EFNA5: variants seen among roughly 807,000 people sequenced by gnomAD.
The protein encoded by EFNA5 is ephrin A5, also known as ephrin-A5.
EFNA5 carries 5 observed loss-of-function variants against 22.9 expected under a neutral mutation model. That is an observed-to-expected ratio of 0.22 (90% CI 0.11 to 0.46). The LOEUF is 0.46. Ranked by LOEUF, EFNA5 falls within the 20% of genes least tolerant of loss-of-function variation. The pLI is 0.99. For missense variants in EFNA5, 237 were observed against 293.3 expected, an observed-to-expected ratio of 0.81 and a Z score of 1.40; for synonymous variants, 113 against 112.2, an observed-to-expected ratio of 1.01 and a Z score of -0.04.
chr5:107,549,366 A>G (rs1748236060), intron 1 of EFNA5, among the ~76,000 whole-genome samples: 1 of 152,200 alleles, frequency 6.6e-6, no homozygotes, highest in Non-Finnish European at 1.5e-5. Context: ...ATTTCATTTG[A>G]TCCCCACAAA....
At chr5:107,517,239 A>G (rs1747499837) in intron 1 of EFNA5, among the ~76,000 whole-genome samples, 1 of 152,162 alleles carries the variant, frequency 6.6e-6, no homozygotes, top group Non-Finnish European at 1.5e-5. Flanking sequence ...AAACTAGAAG[A>G]CAATGATGCT....
chr5:107,394,510 T>C (rs1003869429), intron 2 of EFNA5, among the ~76,000 whole-genome samples: 1 of 152,166 alleles, frequency 6.6e-6, no homozygotes, highest in Non-Finnish European at 1.5e-5. Flanking sequence ...AACTTGGTTT[T>C]AACACCAGGG....
chr5:107,496,768 G>A (rs1746996710), intron 1 of EFNA5, among the ~76,000 whole-genome samples: 1 of 152,176 alleles, frequency 6.6e-6, no homozygotes, highest in South Asian at 2.1e-4. Flanking sequence ...GAGAAGAAAC[G>A]TGGGTCAGCA....
intron 1 of EFNA5, among the ~76,000 whole-genome samples, chr5:107,492,971 C>T (rs1416817704): frequency 1.3e-5 from 2 of 149,368 alleles, no homozygotes; most frequent in Non-Finnish European, 3.0e-5. Flanking sequence ...GCACTCCAGC[C>T]TGGGGACAGA....
intron 2 of EFNA5, among the ~76,000 whole-genome samples, chr5:107,407,621 T>A (rs754795297): frequency 3.9e-5 from 6 of 152,168 alleles, no homozygotes; most frequent in Non-Finnish European, 7.4e-5. Flanking sequence ...TCCTCTTAAA[T>A]ACTAAGAACC....
At chr5:107,555,209 C>T (rs988370419) in intron 1 of EFNA5, among the ~76,000 whole-genome samples, 2 of 152,340 alleles carry the variant, frequency 1.3e-5, no homozygotes, top group African/African-American at 4.8e-5. Context: ...GACTGGAATC[C>T]TCAAATCAGA....
intron 1 of EFNA5, among the ~76,000 whole-genome samples, chr5:107,596,138 T>C (rs1749468799): frequency 6.6e-6 from 1 of 152,218 alleles, no homozygotes; most frequent in Non-Finnish European, 1.5e-5. Flanking sequence ...TTATTTTTTA[T>C]TATGGCAAAA....
intron 1 of EFNA5, among the ~76,000 whole-genome samples, chr5:107,573,045 C>A (rs1580537326): frequency 6.6e-6 from 1 of 152,172 alleles, no homozygotes; most frequent in African/African-American, 2.4e-5. Context: ...AAAAAGAAAC[C>A]TGTTTGTAAA....
intron 1 of EFNA5, among the ~76,000 whole-genome samples, chr5:107,633,313 G>A (rs1055052364): frequency 6.6e-6 from 1 of 152,196 alleles, no homozygotes; most frequent in African/African-American, 2.4e-5. Flanking sequence ...CATGCAATTA[G>A]GCTGTAAAAA....
rs182482974 is a variant in EFNA5 at position 107,585,245 on chromosome 5, T to C, written c.125+85244A>G. ...TTCACTTATCATAAGAGTTACTGGATGGAAATTCTAAGTTAACTTCTAGAA... is the reference window on the plus strand; with the variant it reads ...TTCACTTATCATAAGAGTTACTGGACGGAAATTCTAAGTTAACTTCTAGAA... On this transcript the variant is annotated intron_variant, in intron 1 of 4. Coordinates refer to ENST00000333274, the MANE Select transcript of EFNA5 (RefSeq NM_001962.3). 1.5e-3 allele frequency among the ~76,000 whole-genome samples: 231 copies of C among 152,294 alleles called. 1 individual carries two copies. Among genetic ancestry groups the C allele is most frequent in the Non-Finnish European group, 2.7e-3 (181 of 68,014 alleles).
At chr5:107,623,747 A>G (rs983394409) in intron 1 of EFNA5, among the ~76,000 whole-genome samples, 2 of 152,046 alleles carry the variant, frequency 1.3e-5, no homozygotes, top group Non-Finnish European at 2.9e-5. Context: ...AATACTATAA[A>G]TCACAAAGGC....
chr5:107,391,636 C>T (rs1057094130), intron 2 of EFNA5, among the ~76,000 whole-genome samples: 3 of 152,124 alleles, frequency 2.0e-5, no homozygotes, highest in African/African-American at 7.2e-5. Context: ...AAATTCACAC[C>T]CATTTACTCA....
rs111746775 is a variant in EFNA5 at position 107,380,541 on chromosome 5, C to A, written c.*714G>T. ...CCTGTAGTTTTCTCTGTTTTCACACCTGCTCTGTATTAGCATTCCACACCC... is the reference window on the plus strand; with the variant it reads ...CCTGTAGTTTTCTCTGTTTTCACACATGCTCTGTATTAGCATTCCACACCC... On this transcript the variant is annotated 3_prime_UTR_variant, in exon 5 of 5. Transcript: ENST00000333274. The A allele has an allele frequency of 3.0e-4, 105 of 348,424 alleles. No individual in the cohort carries two copies. Among genetic ancestry groups the A allele is most frequent in the African/African-American group, 1.7e-3 (78 of 47,268 alleles). The allele number at this position is 348,424 out of a possible 1,614,324, so 21.6% of individuals were successfully genotyped here.
intron 1 of EFNA5, among the ~76,000 whole-genome samples, chr5:107,576,472 G>A (rs1355047396): frequency 6.6e-6 from 1 of 152,044 alleles, no homozygotes; most frequent in East Asian, 1.9e-4. Flanking sequence ...AATCAATTTA[G>A]AATCTTGCCA....
chr5:107,509,312 T>G (rs1747316241), intron 1 of EFNA5, among the ~76,000 whole-genome samples: 1 of 150,956 alleles, frequency 6.6e-6, no homozygotes, highest in Admixed American at 6.6e-5. Context: ...ACTCTTTTTC[T>G]TTTCCTTTTT....
chr5:107,567,589 G>A (rs890634639), intron 1 of EFNA5, among the ~76,000 whole-genome samples: 4 of 152,168 alleles, frequency 2.6e-5, no homozygotes, highest in South Asian at 2.1e-4. Context: ...TGGGATGTCC[G>A]AAACTAAGAC....
rs115123669 is a variant in EFNA5, at chr5:107,499,944, T to C, written c.126-72435A>G. 9.0e-3 allele frequency among the ~76,000 whole-genome samples: 1,371 copies of C among 152,294 alleles called. 17 individuals carry two copies. Among genetic ancestry groups the C allele is most frequent in the African/African-American group, 0.031 (1,306 of 41,550 alleles). On this transcript the variant is annotated intron_variant, in intron 1 of 4. Transcript: ENST00000333274. ...AGAGGGGCCAGCAGGAGAAAGCCCA[T>C]GGGTCACAGTCTCAGTTCTGCAGTG...
At chr5:107,496,549 T>G (rs2112420748) in intron 1 of EFNA5, among the ~76,000 whole-genome samples, 1 of 142,234 alleles carries the variant, frequency 7.0e-6, no homozygotes, top group South Asian at 2.3e-4. Context: ...ACATGTTTGG[T>G]AGGTCTTACC....
At chr5:107,515,053 C>T (rs542781865) in intron 1 of EFNA5, among the ~76,000 whole-genome samples, 12 of 152,264 alleles carry the variant, frequency 7.9e-5, no homozygotes, top group Admixed American at 7.8e-4. Flanking sequence ...CTGCCAGCCA[C>T]GTGTACTGTC....
Sources: gnomAD v4.1 joint callset for allele counts (sites outside exome capture counted in the v4.1 genomes callset) on GRCh38, gnomAD v4.1.1 for gene constraint, MANE v1.5 for transcripts, NCBI Gene and HGNC (gene_info 2026-07-23, HGNC 2026-07-21) for gene names.